The following RC3H2 variants were observed in gnomAD, a reference collection of about 807,000 sequenced individuals.
RC3H2 encodes ring finger and CCCH-type domains 2.
A neutral mutation model predicts 133.3 loss-of-function variants in RC3H2; 31 were observed. The observed-to-expected ratio is 0.23, with a 90% confidence interval of 0.17 to 0.31. The LOEUF (loss-of-function observed/expected upper bound fraction) is 0.31. Among genes scored for constraint, RC3H2 ranks in the 10% least tolerant of loss-of-function variants. RC3H2 has a pLI of 1.00. For synonymous variants in RC3H2, 517 were observed against 502.2 expected (o/e 1.03, Z -0.40); for missense variants, 1,175 against 1,437.2 (o/e 0.82, Z 2.95).
rs1829924562 is a variant in RC3H2 at position 122,848,930 on chromosome 9, T to C, written c.*697A>G. 1 of 152,050 alleles carries C rather than the reference T, an allele frequency of 6.6e-6. No individual in the cohort carries two copies. The highest frequency in any genetic ancestry group is 1.5e-5 in the Non-Finnish European group (1 of 67,994). 9.4% of individuals were successfully genotyped at this position (152,050 alleles called of 1,614,324 possible). ...ATTTTTAATTAATTACTTCAACAAG[T>C]AGCCTGTGTATAAATATTAACAAAG... On this transcript the variant is annotated 3_prime_UTR_variant, in exon 21 of 21. Transcript: ENST00000357244.
At chr9:122,898,258 ATATCT>A (rs1832503546) in intron 1 of RC3H2, 1 of 152,224 alleles carries the variant, frequency 6.6e-6, no homozygotes, top group Non-Finnish European at 1.5e-5. Flanking sequence ...ATTGTCTTAA[ATATCT>A]TGTATTGTTC....
chr9:122,873,161 T>C (rs1831172390), intron 9 of RC3H2, among the ~76,000 whole-genome samples: 1 of 152,204 alleles, frequency 6.6e-6, no homozygotes, highest in South Asian at 2.1e-4. Context: ...TTGCTGAATT[T>C]CTGGTGTTAT....
intron 14 of RC3H2, 141 bp from the exon 15 acceptor site, chr9:122,855,538 C>T (rs753162645): frequency 1.4e-5 from 13 of 930,626 alleles, no homozygotes; most frequent in Non-Finnish European, 2.1e-5. Flanking sequence ...CAACAAACTA[C>T]CAGTAAACCA....
At chr9:122,868,610 G>GC (rs1358507041) in intron 9 of RC3H2, among the ~76,000 whole-genome samples, 3 of 151,996 alleles carry the variant, frequency 2.0e-5, no homozygotes, top group Non-Finnish European at 4.4e-5. Context: ...GCTGCGGAAG[G>GC]CCGCAGGGTC....
chr9:122,861,319 C>T (rs879639185), intron 10 of RC3H2, among the ~76,000 whole-genome samples: 2 of 151,690 alleles, frequency 1.3e-5, no homozygotes, highest in Non-Finnish European at 2.9e-5. Flanking sequence ...GGAGATACCC[C>T]GTCTCTACTA....
chr9:122,903,072 C>T (rs1267348991), intron 1 of RC3H2, among the ~76,000 whole-genome samples: 3 of 151,916 alleles, frequency 2.0e-5, no homozygotes, highest in Non-Finnish European at 2.9e-5. Flanking sequence ...TCACATGTGG[C>T]CACTGGCTAG....
intron 8 of RC3H2, among the ~76,000 whole-genome samples, chr9:122,879,372 T>A (rs1831497581): frequency 6.6e-6 from 1 of 151,774 alleles, no homozygotes; most frequent in Admixed American, 6.6e-5. Context: ...CCAGCCTGGG[T>A]GACAGAGTGA....
At chr9:122,864,625 CT>C (rs1172225857) in intron 10 of RC3H2, among the ~76,000 whole-genome samples, 282 of 142,876 alleles carry the variant, frequency 2.0e-3, no homozygotes, top group Non-Finnish European at 2.1e-3. Context: ...GAGTCCCCTC[CT>C]TTTTTTTTTT....
chr9:122,883,393 A>C lies in RC3H2; in HGVS notation c.584-14T>G, dbSNP rs764138997. The C allele has an allele frequency of 3.8e-6, 6 of 1,579,612 alleles. No individual in the cohort carries two copies. The East Asian group carries it at 1.1e-4, about 30-fold the overall frequency. On this transcript the variant is annotated splice_polypyrimidine_tract_variant and intron_variant, in intron 4 of 20. Coordinates refer to ENST00000357244, the MANE Select transcript of RC3H2 (RefSeq NM_001100588.3). ...CTTCTTGCATAGCTAAAAATATTAA[A>C]GGAACATGAGTTCATGACAAATGAG...
In RC3H2 at chr9:122,898,877, G is replaced by C. The variant is rs138810699; in HGVS notation, c.-67-1301C>G. ...CCAATTCAAGACTTAACATAAGTCT[G>C]ACAAAAGCTCTCTGGTGAACAAGAA... On this transcript the variant is annotated intron_variant, in intron 1 of 20. Coordinates refer to ENST00000357244, the MANE Select transcript of RC3H2 (RefSeq NM_001100588.3). 7.9e-5 allele frequency among the ~76,000 whole-genome samples: 12 copies of C among 151,944 alleles called. No individual in the cohort carries two copies. In the East Asian group the frequency reaches 2.3e-3, roughly 29 times the overall value.
rs749920004 is a variant in RC3H2, at chr9:122,880,062, C to T, written c.1024G>A (p.Gly342Ser). Residue 342 changes from glycine (G) to serine (S), a missense_variant, in exon 7 of 21, where the codon GGT (glycine) becomes AGT (serine). This residue lies in a region of RC3H2 where 131 missense variants were observed against 154.2 expected (regional missense o/e 0.85). Transcript: ENST00000357244. ...AGTCTATTTAAGTTAGCTGGGTCAC[C>T]TGTTCGTTGCAAAACAATTGTCAAT... is the stretch of plus-strand genomic sequence containing the variant. The part of the protein sequence containing the change: ...QELTIVLQRT[G>S]DPANLNRLRP... 1.4e-5 allele frequency: 22 copies of T among 1,614,052 alleles called. No homozygotes were observed. In the Admixed American group the frequency reaches 3.7e-4, roughly 27 times the overall value.
intron 20 of RC3H2, among the ~76,000 whole-genome samples, chr9:122,850,335 A>C (rs1246320091): frequency 6.6e-6 from 1 of 152,082 alleles, no homozygotes; most frequent in African/African-American, 2.4e-5. Flanking sequence ...GTTTAAGGCC[A>C]AACTACCAAG....
intron 2 of RC3H2, among the ~76,000 whole-genome samples, chr9:122,893,975 T>C (rs976285261): frequency 6.6e-6 from 1 of 152,056 alleles, no homozygotes; most frequent in Non-Finnish European, 1.5e-5. Context: ...AAAAGTTCAA[T>C]ACAGGCCAGG....
intron 20 of RC3H2, among the ~76,000 whole-genome samples, 158 bp from the exon 21 acceptor site, chr9:122,849,980 T>A (rs1829960386): frequency 6.6e-6 from 1 of 152,246 alleles, no homozygotes; most frequent in Non-Finnish European, 1.5e-5. Context: ...AGAAAAGTCC[T>A]GTTTTCCTAT....
chr9:122,869,164 C>T (rs1026834268), intron 9 of RC3H2, among the ~76,000 whole-genome samples: 2 of 151,990 alleles, frequency 1.3e-5, no homozygotes, highest in African/African-American at 4.8e-5. Flanking sequence ...CTTCGGCCTC[C>T]CAAAGTGCTG....
At chr9:122,904,932 G>C (rs998384350) in intron 1 of RC3H2, among the ~76,000 whole-genome samples, 178 bp downstream of exon 1, 13 of 152,200 alleles carry the variant, frequency 8.5e-5, no homozygotes, top group African/African-American at 2.9e-4. Flanking sequence ...AGAGAGAGGG[G>C]CCTCCGCAGG....
At position 122,856,019 on chromosome 9, in the gene RC3H2, T is replaced by A. The variant is rs78450930; in HGVS notation, c.2455-141A>T. On this transcript the variant is annotated intron_variant, in intron 13 of 20. Transcript: ENST00000357244. Reference sequence around the variant, plus strand: ...TTTTTCAATAACTAATATAAAAAACTGTAATAAGCAAGAAATGGTATTTTT... The same window carrying A: ...TTTTTCAATAACTAATATAAAAAACAGTAATAAGCAAGAAATGGTATTTTT... The A allele has an allele frequency of 6.1e-3, 3,903 of 636,894 alleles. 127 individuals carry two copies. The African/African-American group carries it at 0.064, about 10-fold the overall frequency. The allele number at this position is 636,894 out of a possible 1,614,324, so 39.5% of individuals were successfully genotyped here.
chr9:122,901,928 CTTTT>C (rs542589870), intron 1 of RC3H2, among the ~76,000 whole-genome samples: 2 of 116,842 alleles, frequency 1.7e-5, no homozygotes, highest in African/African-American at 3.1e-5. Context: ...ATAACTACTT[CTTTT>C]TTTTTTTTTT....
At chr9:122,891,669 C>G (rs925228099) in intron 3 of RC3H2, among the ~76,000 whole-genome samples, 6 of 152,214 alleles carry the variant, frequency 3.9e-5, no homozygotes, top group Non-Finnish European at 7.3e-5. Context: ...CTGACACTCT[C>G]AGTCCACGCT....
Sources: allele counts gnomAD v4.1 joint callset (sites outside exome capture counted in the v4.1 genomes callset), GRCh38; gene constraint gnomAD v4.1.1; regional missense constraint gnomAD v4.1.1; transcripts MANE v1.5; gene names NCBI Gene and HGNC (gene_info 2026-07-23, HGNC 2026-07-21).